ZNF444: variants seen among roughly 807,000 people sequenced by gnomAD.
The protein encoded by ZNF444 is zinc finger protein 444.
ZNF444 carries 8 observed loss-of-function variants against 14.4 expected under a neutral mutation model. The ratio of observed to expected loss-of-function variants is 0.56; its 90% CI spans 0.33 to 1.00. The LOEUF (loss-of-function observed/expected upper bound fraction) is 1.00, where lower values mean the gene tolerates loss of function less well. Ranked by LOEUF, ZNF444 falls within the 50% of genes least tolerant of loss-of-function variation. The probability of loss-of-function intolerance (pLI) is 0.03; values close to 1 mark genes in which losing one functional copy is unlikely to be tolerated. For missense variants in ZNF444, 510 were observed against 504.8 expected (o/e 1.01, Z -0.10); for synonymous variants, 258 against 235.9 (o/e 1.09, Z -0.86).
chr19:56,134,284 G>A (rs2030562257), intron 1 of ZNF444, among the ~76,000 whole-genome samples: 1 of 152,186 alleles, frequency 6.6e-6, no homozygotes, highest in African/African-American at 2.4e-5. Context: ...CGAGAAGCTA[G>A]AAGGTATGAG....
At chr19:56,157,756 T>C (rs1344393971) in intron 3 of ZNF444, 1 of 152,224 alleles carries the variant, frequency 6.6e-6, no homozygotes, top group Non-Finnish European at 1.5e-5. Context: ...CGTACTCCTC[T>C]GGCCAAAAAT....
chr19:56,160,227 C>G lies in ZNF444; in HGVS notation c.*26C>G. 7.1e-7 allele frequency: 1 copy of G among 1,412,420 alleles called. No individual in the cohort carries two copies. The highest frequency in any genetic ancestry group is 2.9e-5 in the East Asian group (1 of 34,036). 87.5% of individuals were successfully genotyped at this position (1,412,420 alleles called of 1,614,324 possible). Reference sequence around the variant, plus strand: ...CCGCCTCCCGGCCAGCGCCATCTCCCGCCCTTGGTGCTGCCCCCGGGCGGT... The same window carrying G: ...CCGCCTCCCGGCCAGCGCCATCTCCGGCCCTTGGTGCTGCCCCCGGGCGGT... On this transcript the variant is annotated 3_prime_UTR_variant, in exon 5 of 5. Transcript: ENST00000337080.
rs1476848468 is a variant in ZNF444, at chr19:56,147,510, A to G, written c.297+302A>G. ...AAGGACGTGCTGGAAGCAGCTGGGAAGAAGGCCACGAAGGCTCCAGGGAGC... is the reference window on the plus strand; with the variant it reads ...AAGGACGTGCTGGAAGCAGCTGGGAGGAAGGCCACGAAGGCTCCAGGGAGC... On this transcript the variant is annotated intron_variant, in intron 3 of 4. Coordinates refer to ENST00000337080, the MANE Select transcript of ZNF444 (RefSeq NM_018337.4). This position sits in a 1 kb window ranked among gnomAD's most constrained non-coding sequence, Gnocchi z 5.9. 6.6e-6 allele frequency among the ~76,000 whole-genome samples: 1 copy of G among 152,124 alleles called. No homozygotes were observed. Among genetic ancestry groups the G allele is most frequent in the African/African-American group, 2.4e-5 (1 of 41,422 alleles).
At chr19:56,135,950 T>G (rs2030600132) in intron 1 of ZNF444, among the ~76,000 whole-genome samples, 2 of 150,958 alleles carry the variant, frequency 1.3e-5, no homozygotes, top group Admixed American at 6.6e-5. Flanking sequence ...GGTGTGGTGG[T>G]GCGTGCCTGT....
Position 56,147,349 on chromosome 19 carries a change from A to G in ZNF444, c.297+141A>G, listed in dbSNP as rs866195252. On this transcript the variant is annotated intron_variant, in intron 3 of 4. Transcript: ENST00000337080. This position sits in a 1 kb window ranked among gnomAD's most constrained non-coding sequence, Gnocchi z 5.9. ...GGGAGGCTGCGGTACAGGCTGCGGT[A>G]CAGCGTGGAGGGACAGTCCACGTGC... 4.9e-5 allele frequency: 50 copies of G among 1,025,332 alleles called. 2 individuals are homozygous for G. The South Asian group carries it at 9.7e-4, about 20-fold the overall frequency. 63.5% of individuals were successfully genotyped at this position (1,025,332 alleles called of 1,614,324 possible).
chr19:56,159,819 A>G lies in ZNF444; in HGVS notation c.602A>G (p.His201Arg), dbSNP rs1424491991. 2 of 1,577,978 alleles carry G rather than the reference A, an allele frequency of 1.3e-6. No homozygotes were observed. Among genetic ancestry groups the G allele is most frequent in the Non-Finnish European group, 1.7e-6 (2 of 1,167,788 alleles). The change falls in exon 5 of 5, where the codon CAC becomes CGC. Residue 201 changes from histidine (H) to arginine (R), a missense_variant. His to Arg is a conservative substitution (Grantham distance 29). Coordinates refer to ENST00000337080, the MANE Select transcript of ZNF444 (RefSeq NM_018337.4). ...PAHLLRHRQS[H>R]SGEKPHACPE... Reference sequence around the variant, plus strand: ...CACCTGCTGCGCCACCGGCAGAGCCACTCGGGCGAGAAGCCGCACGCCTGC... The same window carrying G: ...CACCTGCTGCGCCACCGGCAGAGCCGCTCGGGCGAGAAGCCGCACGCCTGC...
At chr19:56,150,639 G>A (rs757793397) in intron 3 of ZNF444, 1 of 456,276 alleles carries the variant, frequency 2.2e-6, no homozygotes, top group South Asian at 1.5e-5. Context: ...ATGGTCTTAA[G>A]TCAGTGTTAT....
chr19:56,141,765 G>C (rs2030834698), intron 1 of ZNF444: 1 of 151,854 alleles, frequency 6.6e-6, no homozygotes, highest in Admixed American at 6.6e-5. Flanking sequence ...AAGGAGTCTG[G>C]GGGCGCCGGG....
Position 56,147,126 on chromosome 19 carries a change from T to C in ZNF444, c.215T>C (p.Leu72Pro). 6.4e-7 allele frequency: 1 copy of C among 1,563,302 alleles called. No individual in the cohort carries two copies. The highest frequency in any genetic ancestry group is 8.6e-7 in the Non-Finnish European group (1 of 1,159,614). The change falls in exon 3 of 5, where the codon CTG becomes CCG. Residue 72 changes from leucine to proline, a missense_variant. Leu to Pro is a moderately conservative substitution (Grantham distance 98). Coordinates refer to ENST00000337080, the MANE Select transcript of ZNF444 (RefSeq NM_018337.4). This position sits in a 1 kb window ranked among gnomAD's most constrained non-coding sequence, Gnocchi z 5.9. ...GTGCTGGAACAGTTCCTGAGCGCGCTGCCCGCCGACACGCAGGCCTGGGTG... is the reference window on the plus strand; with the variant it reads ...GTGCTGGAACAGTTCCTGAGCGCGCCGCCCGCCGACACGCAGGCCTGGGTG... ...LLVLEQFLSA[L>P]PADTQAWVCS...
Position 56,160,603 on chromosome 19 carries a change from G to A in ZNF444, c.*402G>A, listed in dbSNP as rs962125091. 5.1e-6 allele frequency: 1 copy of A among 197,072 alleles called. No individual in the cohort carries two copies. Among genetic ancestry groups the A allele is most frequent in the Non-Finnish European group, 1.0e-5 (1 of 98,136 alleles). The allele number at this position is 197,072 out of a possible 1,614,324, so 12.2% of individuals were successfully genotyped here. On this transcript the variant is annotated 3_prime_UTR_variant, in exon 5 of 5. Coordinates refer to ENST00000337080, the MANE Select transcript of ZNF444 (RefSeq NM_018337.4). ...CCTGGGACCCCTGAGGGGCAGGCCA[G>A]GAGGAGCTCGGGCGCAGGCCAGGCC...
chr19:56,152,622 G>A (rs1000228577), intron 3 of ZNF444, among the ~76,000 whole-genome samples: 3 of 152,022 alleles, frequency 2.0e-5, no homozygotes, highest in African/African-American at 7.2e-5. Flanking sequence ...TTGGGCTGCT[G>A]TAACAAGGTA....
At chr19:56,159,541 C>G in intron 4 of ZNF444, 83 bp from the exon 5 acceptor site, 1 of 1,248,584 alleles carries the variant, frequency 8.0e-7, no homozygotes, top group Non-Finnish European at 1.1e-6. Context: ...TTTAAGCGTT[C>G]CCTCCCTGCC....
chr19:56,142,800 G>T (rs1413381841), intron 1 of ZNF444, among the ~76,000 whole-genome samples: 2 of 152,284 alleles, frequency 1.3e-5, no homozygotes, highest in East Asian at 3.9e-4. Flanking sequence ...TTGAAGCCAG[G>T]CAGCCAGACT....
intron 3 of ZNF444, chr19:56,154,680 G>C (rs2031792845): frequency 6.7e-6 from 1 of 149,742 alleles, no homozygotes; most frequent in East Asian, 2.0e-4. Flanking sequence ...AACATCGGCA[G>C]CTTGATTCCG....
chr19:56,145,847 A>G lies in ZNF444; in HGVS notation c.-196-400A>G, dbSNP rs921427639. Among the ~76,000 whole-genome samples, 2 of 152,320 alleles carry G rather than the reference A, an allele frequency of 1.3e-5. No homozygotes were observed. Among genetic ancestry groups the G allele is most frequent in the African/African-American group, 4.8e-5 (2 of 41,574 alleles). On this transcript the variant is annotated intron_variant, in intron 1 of 4. Coordinates refer to ENST00000337080, the MANE Select transcript of ZNF444 (RefSeq NM_018337.4). This position sits in a 1 kb window ranked among gnomAD's most constrained non-coding sequence, Gnocchi z 4.3. ...GGAGCGGGAAGCTCAGAATGCCATC[A>G]TGGTCAGTTCCTGGTGAGGGCCTCT...
In ZNF444 at chr19:56,152,353, C is replaced by T. The variant is rs561647987; in HGVS notation, c.297+5145C>T. Among the ~76,000 whole-genome samples the T allele has an allele frequency of 3.4e-3, 510 of 151,328 alleles. 2 individuals are homozygous for T. The highest frequency in any genetic ancestry group is 0.012 in the African/African-American group (476 of 41,100). ...TCTCAAAAAAAAAAAAAAAAAATAC[C>T]GTTGCCGGGATTTTACTCTTAGATT... On this transcript the variant is annotated intron_variant, in intron 3 of 4. Transcript: ENST00000337080.
chr19:56,139,200 GGC>G (rs1192574236), upstream of ZNF444, among the ~76,000 whole-genome samples: 1 of 152,030 alleles, frequency 6.6e-6, no homozygotes, highest in Non-Finnish European at 1.5e-5. Flanking sequence ...AGATCCCTTT[GGC>G]GCTGTGTGGA....
chr19:56,141,180 G>A (rs186428624), upstream of ZNF444: 3 of 151,732 alleles, frequency 2.0e-5, no homozygotes, highest in Non-Finnish European at 2.9e-5. Context: ...GTAGTTCGGG[G>A]TGAGGCCGGG....
intron 4 of ZNF444, 47 bp from the exon 5 acceptor site, chr19:56,159,577 C>T: frequency 7.1e-7 from 1 of 1,408,698 alleles, no homozygotes; most frequent in African/African-American, 1.5e-5. Context: ...GCTGTCCTTG[C>T]CCCGCCCTCG....
Sources: gnomAD v4.1 joint callset for allele counts (sites outside exome capture counted in the v4.1 genomes callset) on GRCh38, gnomAD v4.1.1 for gene constraint, Gnocchi (gnomAD v3.1) non-coding constraint, MANE v1.5 for transcripts, NCBI Gene and HGNC (gene_info 2026-07-23, HGNC 2026-07-21) for gene names.